CENPB: variants seen among roughly 807,000 people sequenced by gnomAD.
CENPB encodes centromere protein B, also known as major centromere autoantigen B.
CENPB carries 19 observed loss-of-function variants against 41.9 expected under a neutral mutation model. The ratio of observed to expected loss-of-function variants is 0.45; its 90% CI spans 0.32 to 0.67. The LOEUF is 0.67. Among genes scored for constraint, CENPB ranks in the 30% least tolerant of loss-of-function variants. The pLI is 0.04. For synonymous variants in CENPB, 399 were observed against 354.4 expected, an observed-to-expected ratio of 1.13 and a Z score of -1.41; for missense variants, 614 against 816.2, an observed-to-expected ratio of 0.75 and a Z score of 3.02.
chr20:3,785,833 C>A lies in CENPB; in HGVS notation c.651G>T (p.Arg217=). The A allele has an allele frequency of 6.2e-7, 1 of 1,608,816 alleles. No homozygotes were observed. The highest frequency in any genetic ancestry group is 8.5e-7 in the Non-Finnish European group (1 of 1,178,094). The part of the protein sequence containing the change: ...QAAGLCGGDG[R]PRQATQRLSV... ...TCAGGCGCTGGGTGGCTTGACGCGG[C>A]CGTCCGTCGCCTCCGCACAGCCCCG... is the stretch of plus-strand genomic sequence containing the variant. Residue 217 remains arginine (R), a synonymous_variant, in exon 1 of 1, where the codon CGG becomes CGT. Transcript: ENST00000379751.
Position 3,784,571 on chromosome 20 carries a change from TA to T in CENPB, c.*112del. 1.5e-6 allele frequency: 2 copies of T among 1,293,738 alleles called. No individual in the cohort carries two copies. The highest frequency in any genetic ancestry group is 2.1e-6 in the Non-Finnish European group (2 of 931,408). The allele number at this position is 1,293,738 out of a possible 1,614,324, so 80.1% of individuals were successfully genotyped here. A position where few individuals can be genotyped will look rare whatever the true frequency, so the allele number is the denominator to read the frequency against. On this transcript the variant is annotated 3_prime_UTR_variant, in exon 1 of 1. Coordinates refer to ENST00000379751, the MANE Select transcript of CENPB (RefSeq NM_001810.6). This position sits in a 1 kb window ranked among gnomAD's most constrained non-coding sequence, Gnocchi z 5.2. ...GTTGCAGGACCAGGGGAAGCATTAC[TA>T]AAGGATCTGGGGCTCTGCACTCTGG...
chr20:3,785,538 A>C lies in CENPB; in HGVS notation c.946T>G (p.Phe316Val), dbSNP rs757098310. 8 of 1,598,740 alleles carry C rather than the reference A, an allele frequency of 5.0e-6. No homozygotes were observed. The East Asian group carries it at 1.8e-4, about 36-fold the overall frequency. Reference protein sequence around the residue: ...TSGLRHVQLAFFPPGTVHPLE... With the variant: ...TSGLRHVQLAVFPPGTVHPLE... ...GGATGCACGGTGCCGGGAGGGAAGAAGGCCAGCTGCACATGCCGCAGGCCC... is the reference window on the plus strand; with the variant it reads ...GGATGCACGGTGCCGGGAGGGAAGACGGCCAGCTGCACATGCCGCAGGCCC... Residue 316 changes from phenylalanine (F) to valine (V), a missense_variant, in exon 1 of 1, where the codon TTC (phenylalanine) becomes GTC (valine). Physicochemically the swap from Phe to Val is conservative, Grantham distance 50. Coordinates refer to ENST00000379751, the MANE Select transcript of CENPB (RefSeq NM_001810.6).
At position 3,785,596 on chromosome 20, in the gene CENPB, G is replaced by A. The variant is rs61734517; in HGVS notation, c.888C>T (p.Ala296=). Residue 296 remains alanine, a synonymous_variant, in exon 1 of 1, where the codon GCC becomes GCT. Transcript: ENST00000379751. ...AAESRRVLLL[A]GRLAAQSLDT... ...CCAAGGACTGGGCAGCCAAGCGGCC[G>A]GCCAACAGCAGGACCCGGCGAGACT... The A allele has an allele frequency of 1.0e-5, 16 of 1,601,714 alleles. No homozygotes were observed. Among genetic ancestry groups the A allele is most frequent in the African/African-American group, 1.3e-5 (1 of 74,732 alleles).
In CENPB at chr20:3,785,035, G is replaced by T; in HGVS notation, c.1449C>A (p.Ala483=). 1 of 1,613,972 alleles carries T rather than the reference G, an allele frequency of 6.2e-7. No individual in the cohort carries two copies. The highest frequency in any genetic ancestry group is 8.5e-7 in the Non-Finnish European group (1 of 1,180,012). Residue 483 remains alanine (A), a synonymous_variant, in exon 1 of 1, where the codon GCC becomes GCA. Coordinates refer to ENST00000379751, the MANE Select transcript of CENPB (RefSeq NM_001810.6). ...CACCATAAGCCCCGAAGCTGCCACC[G>T]GCCTCCACTACTCCCTGGGCCCAGT... The part of the protein sequence containing the change: ...AEDWAQGVVE[A]GGSFGAYGAQ...
Position 3,784,656 on chromosome 20 carries a change from G to T in CENPB, c.*28C>A. On this transcript the variant is annotated 3_prime_UTR_variant, in exon 1 of 1. Coordinates refer to ENST00000379751, the MANE Select transcript of CENPB (RefSeq NM_001810.6). The surrounding 1 kb of genome is among the most constrained non-coding windows in gnomAD (Gnocchi z 5.2). ...GCCCTGGGGTGGTGCTGCCAATCTA[G>T]GTTGGGGGCACAGCTAGGTCCAGTG... The T allele has an allele frequency of 6.2e-7, 1 of 1,611,314 alleles. No homozygotes were observed.
Position 3,785,775 on chromosome 20 carries a change from C to G in CENPB, c.709G>C (p.Glu237Gln). ...CCGGCCACCAGCGGGGGCAGCTTCTCGCTGCCGTCGGCATTGGCGCATAGC... is the reference window on the plus strand; with the variant it reads ...CCGGCCACCAGCGGGGGCAGCTTCTGGCTGCCGTCGGCATTGGCGCATAGC... ...VLLCANADGS[E>Q]KLPPLVAGKS... Residue 237 changes from glutamate (E) to glutamine (Q), a missense_variant, in exon 1 of 1, where the codon GAG becomes CAG. Glu to Gln is a conservative substitution (Grantham distance 29). Coordinates refer to ENST00000379751, the MANE Select transcript of CENPB (RefSeq NM_001810.6). The G allele has an allele frequency of 4.3e-6, 7 of 1,609,292 alleles. No homozygotes were observed. The highest frequency in any genetic ancestry group is 5.9e-6 in the Non-Finnish European group (7 of 1,177,942).
In CENPB at chr20:3,784,541, GGCCT is replaced by G; in HGVS notation, c.*139_*142del. On this transcript the variant is annotated 3_prime_UTR_variant, in exon 1 of 1. Transcript: ENST00000379751. This position sits in a 1 kb window ranked among gnomAD's most constrained non-coding sequence, Gnocchi z 5.2. Reference sequence around the variant, plus strand: ...GCCCCGGGCCCGGCCGAGGTGACCGGGCCTGTTGCAGGACCAGGGGAAGCATTAC... The same window carrying G: ...GCCCCGGGCCCGGCCGAGGTGACCGGGTTGCAGGACCAGGGGAAGCATTAC... 1.0e-6 allele frequency: 1 copy of G among 964,348 alleles called. No individual in the cohort carries two copies. Among genetic ancestry groups the G allele is most frequent in the African/African-American group, 1.6e-5 (1 of 61,224 alleles). 59.7% of individuals were successfully genotyped at this position (964,348 alleles called of 1,614,324 possible).
Position 3,784,366 on chromosome 20 carries a change from C to A in CENPB, c.*318G>T. 1 of 330,848 alleles carries A rather than the reference C, an allele frequency of 3.0e-6. No individual in the cohort carries two copies. Among genetic ancestry groups the A allele is most frequent in the Non-Finnish European group, 5.7e-6 (1 of 176,656 alleles). The allele number at this position is 330,848 out of a possible 1,614,324, so 20.5% of individuals were successfully genotyped here. A position where few individuals can be genotyped will look rare whatever the true frequency, so the allele number is the denominator to read the frequency against. On this transcript the variant is annotated 3_prime_UTR_variant, in exon 1 of 1. Transcript: ENST00000379751. The surrounding 1 kb of genome is among the most constrained non-coding windows in gnomAD (Gnocchi z 5.2). The stretch of plus-strand genomic sequence containing the variant: ...GGGAACCTCCAGGGCCCATCCCTGG[C>A]TGCTGCTGTGGTTAGTCCACTGAGG...
chr20:3,786,418 C>G lies in CENPB; in HGVS notation c.66G>C (p.Glu22Asp). 1.3e-6 allele frequency: 2 copies of G among 1,597,964 alleles called. No homozygotes were observed. The highest frequency in any genetic ancestry group is 1.7e-6 in the Non-Finnish European group (2 of 1,178,350). ...EKSRIIQEVE[E>D]NPDLRKGEIA... is the part of the protein sequence containing the mutation. ...TCTCGCCCTTGCGCAGGTCCGGATT[C>G]TCCTCCACCTCCTGGATGATCCGTG... Residue 22 changes from glutamate to aspartate, a missense_variant, in exon 1 of 1, where the codon GAG (glutamate) becomes GAC (aspartate). Coordinates refer to ENST00000379751, the MANE Select transcript of CENPB (RefSeq NM_001810.6).
chr20:3,785,374 G>T lies in CENPB; in HGVS notation c.1110C>A (p.Ala370=), dbSNP rs914784428. 33 of 1,602,360 alleles carry T rather than the reference G, an allele frequency of 2.1e-5. No individual in the cohort carries two copies. The highest frequency in any genetic ancestry group is 2.7e-5 in the Non-Finnish European group (32 of 1,175,716). The part of the protein sequence containing the change: ...GLTEALHFVA[A]AWQAVEPSDI... ...CCGAAGGCTCCACTGCCTGCCAGGC[G>T]GCAGCCACAAAGTGCAGGGCCTCCG... is the stretch of plus-strand genomic sequence containing the variant. The change falls in exon 1 of 1, where the codon GCC becomes GCA. Residue 370 remains alanine, a synonymous_variant. Coordinates refer to ENST00000379751, the MANE Select transcript of CENPB (RefSeq NM_001810.6).
In CENPB at chr20:3,786,477, G is replaced by T; in HGVS notation, c.7C>A (p.Pro3Thr). The T allele has an allele frequency of 7.3e-7, 1 of 1,377,334 alleles. No individual in the cohort carries two copies. The highest frequency in any genetic ancestry group is 9.6e-7 in the Non-Finnish European group (1 of 1,044,918). The allele number at this position is 1,377,334 out of a possible 1,614,324, so 85.3% of individuals were successfully genotyped here. The change falls in exon 1 of 1, where the codon CCC becomes ACC. Residue 3 changes from proline to threonine, a missense_variant. By Grantham distance (38) the Pro-to-Thr change is conservative. Transcript: ENST00000379751. ...CGGAACGTCAGCTGTCGCCTCTTGGGGCCCATCCCGGCGCGCCCCCCGCCC... is the reference window on the plus strand; with the variant it reads ...CGGAACGTCAGCTGTCGCCTCTTGGTGCCCATCCCGGCGCGCCCCCCGCCC... MG[P>T]KRRQLTFREK...
In CENPB at chr20:3,785,044, T is replaced by A; in HGVS notation, c.1440A>T (p.Val480=). The A allele has an allele frequency of 6.2e-7, 1 of 1,613,920 alleles. No individual in the cohort carries two copies. The highest frequency in any genetic ancestry group is 8.5e-7 in the Non-Finnish European group (1 of 1,179,970). Residue 480 remains valine, a synonymous_variant, in exon 1 of 1, where the codon GTA becomes GTT. Coordinates refer to ENST00000379751, the MANE Select transcript of CENPB (RefSeq NM_001810.6). ...CCCCGAAGCTGCCACCGGCCTCCACTACTCCCTGGGCCCAGTCCTCAGCCT... is the reference window on the plus strand; with the variant it reads ...CCCCGAAGCTGCCACCGGCCTCCACAACTCCCTGGGCCCAGTCCTCAGCCT... ...GLEAEDWAQG[V]VEAGGSFGAY... is the part of the protein sequence containing the mutation.
rs1203261672 is a variant in CENPB, at chr20:3,784,465, GAA to G, written c.*217_*218del. The G allele has an allele frequency of 1.0e-5, 6 of 575,256 alleles. No homozygotes were observed. Among genetic ancestry groups the G allele is most frequent in the Non-Finnish European group, 1.8e-5 (6 of 325,866 alleles). 35.6% of individuals were successfully genotyped at this position (575,256 alleles called of 1,614,324 possible). On this transcript the variant is annotated 3_prime_UTR_variant, in exon 1 of 1. Transcript: ENST00000379751. The surrounding 1 kb of genome is among the most constrained non-coding windows in gnomAD (Gnocchi z 5.2). ...CCTGAGCCCAGGGCCAAATGGGGAGGAAAGAGGATTCTGAGAAAGAGGCAATA... is the reference window on the plus strand; with the variant it reads ...CCTGAGCCCAGGGCCAAATGGGGAGGAGAGGATTCTGAGAAAGAGGCAATA...
Position 3,785,442 on chromosome 20 carries a change from C to G in CENPB, c.1042G>C (p.Ala348Pro), listed in dbSNP as rs1180514338. ...RQAMLLKAMA[A>P]LEGQDPSGLQ... ...CCTGAGGGATCCTGGCCCTCTAGCGCGGCCATGGCCTTGAGCAGCATGGCC... is the reference window on the plus strand; with the variant it reads ...CCTGAGGGATCCTGGCCCTCTAGCGGGGCCATGGCCTTGAGCAGCATGGCC... The change falls in exon 1 of 1, where the codon GCG becomes CCG. Residue 348 changes from alanine to proline, a missense_variant. This residue lies in a region of CENPB where 537 missense variants were observed against 629.4 expected (regional missense o/e 0.85). Coordinates refer to ENST00000379751, the MANE Select transcript of CENPB (RefSeq NM_001810.6). The G allele has an allele frequency of 1.9e-6, 3 of 1,589,402 alleles. No homozygotes were observed. The highest frequency in any genetic ancestry group is 2.6e-6 in the Non-Finnish European group (3 of 1,168,308).
chr20:3,784,752 G>C lies in CENPB; in HGVS notation c.1732C>G (p.Leu578Val). 6.2e-7 allele frequency: 1 copy of C among 1,614,204 alleles called. No homozygotes were observed. Among genetic ancestry groups the C allele is most frequent in the Non-Finnish European group, 8.5e-7 (1 of 1,180,028 alleles). The change falls in exon 1 of 1, where the codon CTG becomes GTG. Residue 578 changes from leucine (L) to valine (V), a missense_variant. Leu to Val is a conservative substitution (Grantham distance 32). Coordinates refer to ENST00000379751, the MANE Select transcript of CENPB (RefSeq NM_001810.6). This position sits in a 1 kb window ranked among gnomAD's most constrained non-coding sequence, Gnocchi z 5.2. ...TGGTTCTTCCTGGTCACATGAACCA[G>C]ATCGTGTTCCAAGTGGAGGATGTGG... ...QSHILHLEHD[L>V]VHVTRKNHAR...
In CENPB at chr20:3,786,088, C is replaced by A; in HGVS notation, c.396G>T (p.Val132=). 6.3e-7 allele frequency: 1 copy of A among 1,592,278 alleles called. No individual in the cohort carries two copies. The highest frequency in any genetic ancestry group is 8.5e-7 in the Non-Finnish European group (1 of 1,176,950). The part of the protein sequence containing the change: ...WLDRFRRRHG[V]VSCSGVARAR... ...CGCGGGCCACGCCGCTGCAGGACAC[C>A]ACGCCGTGGCGCCGGCGGAAGCGGT... The change falls in exon 1 of 1, where the codon GTG becomes GTT. Residue 132 remains valine (V), a synonymous_variant. Transcript: ENST00000379751.
At position 3,785,831 on chromosome 20, in the gene CENPB, G is replaced by C. The variant is rs897815576; in HGVS notation, c.653C>G (p.Pro218Arg). The C allele has an allele frequency of 6.2e-7, 1 of 1,608,892 alleles. No homozygotes were observed. The highest frequency in any genetic ancestry group is 8.5e-7 in the Non-Finnish European group (1 of 1,178,174). The change falls in exon 1 of 1, where the codon CCG (proline) becomes CGG (arginine). Residue 218 changes from proline to arginine, a missense_variant. Transcript: ENST00000379751. Reference sequence around the variant, plus strand: ...GCTCAGGCGCTGGGTGGCTTGACGCGGCCGTCCGTCGCCTCCGCACAGCCC... The same window carrying C: ...GCTCAGGCGCTGGGTGGCTTGACGCCGCCGTCCGTCGCCTCCGCACAGCCC... ...AAGLCGGDGR[P>R]RQATQRLSVL... is the part of the protein sequence containing the mutation.
rs1180514338 is a variant in CENPB, at chr20:3,785,442, C to T, written c.1042G>A (p.Ala348Thr). 3 of 1,589,518 alleles carry T rather than the reference C, an allele frequency of 1.9e-6. No homozygotes were observed. The highest frequency in any genetic ancestry group is 1.8e-5 in the Admixed American group (1 of 56,586). ...CCTGAGGGATCCTGGCCCTCTAGCG[C>T]GGCCATGGCCTTGAGCAGCATGGCC... ...RQAMLLKAMA[A>T]LEGQDPSGLQ... is the part of the protein sequence containing the mutation. Residue 348 changes from alanine (A) to threonine (T), a missense_variant, in exon 1 of 1, where the codon GCG becomes ACG. By Grantham distance (58) the Ala-to-Thr change is moderately conservative (BLOSUM62 0). Coordinates refer to ENST00000379751, the MANE Select transcript of CENPB (RefSeq NM_001810.6).
rs918138541 is a variant in CENPB, at chr20:3,784,515, A to C, written c.*169T>G. ...ATAAGCAGGCAGTGAGGCTGACCTC[A>C]GCCCCGGGCCCGGCCGAGGTGACCG... On this transcript the variant is annotated 3_prime_UTR_variant, in exon 1 of 1. Transcript: ENST00000379751. This position sits in a 1 kb window ranked among gnomAD's most constrained non-coding sequence, Gnocchi z 5.2. 4.2e-6 allele frequency: 3 copies of C among 719,274 alleles called. No individual in the cohort carries two copies. The African/African-American group carries it at 5.3e-5, about 13-fold the overall frequency. 44.6% of individuals were successfully genotyped at this position (719,274 alleles called of 1,614,324 possible). A position where few individuals can be genotyped will look rare whatever the true frequency, so the allele number is the denominator to read the frequency against.
Sources: allele counts gnomAD v4.1 joint callset, GRCh38; gene constraint gnomAD v4.1.1; regional missense constraint gnomAD v4.1.1; non-coding constraint Gnocchi (gnomAD v3.1); transcripts MANE v1.5; gene names NCBI Gene and HGNC (gene_info 2026-07-23, HGNC 2026-07-21).